The following REV3L variants were observed in gnomAD, a reference collection of about 807,000 sequenced individuals.
REV3L encodes DNA polymerase zeta catalytic subunit.
REV3L carries 69 observed loss-of-function variants against 299.4 expected under a neutral mutation model. The ratio of observed to expected loss-of-function variants is 0.23; its 90% CI spans 0.19 to 0.28. REV3L has a LOEUF of 0.28. Among genes scored for constraint, REV3L ranks in the 10% least tolerant of loss-of-function variants. REV3L has a pLI of 1.00. For missense variants in REV3L, 3,128 were observed against 3,693.8 expected, an observed-to-expected ratio of 0.85 and a Z score of 3.97; for synonymous variants, 1,238 against 1,271.4, an observed-to-expected ratio of 0.97 and a Z score of 0.56.
At position 111,367,522 on chromosome 6, in the gene REV3L, C is replaced by G; in HGVS notation, c.6266G>C (p.Ser2089Thr). Residue 2089 changes from serine (S) to threonine (T), a missense_variant, in exon 14 of 32, where the codon AGT (serine) becomes ACT (threonine). Physicochemically the swap from Ser to Thr is moderately conservative, Grantham distance 58 (BLOSUM62 1). Coordinates refer to ENST00000368802, the MANE Select transcript of REV3L (RefSeq NM_001372078.1). ...AACTGGTGGCAGCATCTGACTTTCA[C>G]TTGCAGTTTGACTACATCCCGTGGT... is the stretch of plus-strand genomic sequence containing the variant. ...APTTGCSQTA[S>T]ESQMLPPVAS... The G allele has an allele frequency of 6.2e-7, 1 of 1,611,876 alleles. No individual in the cohort carries two copies.
chr6:111,356,229 G>C (rs185169238), intron 18 of REV3L, among the ~76,000 whole-genome samples: 2 of 152,168 alleles, frequency 1.3e-5, no homozygotes, highest in African/African-American at 4.8e-5. Flanking sequence ...CTTCTATCTT[G>C]CTTTAGGCAT....
intron 31 of REV3L, among the ~76,000 whole-genome samples, chr6:111,304,768 C>G (rs1324325862): frequency 6.6e-6 from 1 of 151,966 alleles, no homozygotes; most frequent in African/African-American, 2.4e-5. Flanking sequence ...CTCCTCACCC[C>G]CCTTTTGGAA....
At chr6:111,305,751 G>A (rs759286235) in intron 31 of REV3L, among the ~76,000 whole-genome samples, 1 of 152,072 alleles carries the variant, frequency 6.6e-6, no homozygotes, top group Non-Finnish European at 1.5e-5. Flanking sequence ...CCATTTAACA[G>A]CCTGACCTTA....
Position 111,374,147 on chromosome 6 carries a change from T to A in REV3L, c.4208A>T (p.Tyr1403Phe). The change falls in exon 13 of 32, where the codon TAT (tyrosine) becomes TTT (phenylalanine). Residue 1403 changes from tyrosine to phenylalanine, a missense_variant. Physicochemically the swap from Tyr to Phe is conservative, Grantham distance 22. Coordinates refer to ENST00000368802, the MANE Select transcript of REV3L (RefSeq NM_001372078.1). ...CAGCTTTGATTCTAGGGAATTGCGA[T>A]ATTCACTTAACTTTCCGATTGATGA... ...YLSSIGKLSE[Y>F]RNSLESKLDQ... is the part of the protein sequence containing the mutation. 1 of 1,614,096 alleles carries A rather than the reference T, an allele frequency of 6.2e-7. No homozygotes were observed.
intron 24 of REV3L, 139 bp from the exon 25 acceptor site, chr6:111,329,877 G>T: frequency 3.1e-6 from 2 of 652,446 alleles, no homozygotes; most frequent in Non-Finnish European, 5.3e-6. Flanking sequence ...AGTATTAGTG[G>T]CCGTCAATAT....
intron 4 of REV3L, among the ~76,000 whole-genome samples, chr6:111,402,045 T>C (rs1057458225): frequency 2.6e-5 from 4 of 151,808 alleles, no homozygotes; most frequent in African/African-American, 9.7e-5. Flanking sequence ...GCCCAGGAGG[T>C]GGAGGTTGCA....
At position 111,375,458 on chromosome 6, in the gene REV3L, TTTC is replaced by T; in HGVS notation, c.2894_2896del (p.Arg965del). On this transcript the variant is annotated inframe_deletion, in exon 13 of 32. Transcript: ENST00000368802. ...GACAGGGGGCAGCTTTTTAGACATT[TTTC>T]TTCGTTTTCGGGATTTGAGAGTTCC... 1 of 1,602,462 alleles carries T rather than the reference TTTC, an allele frequency of 6.2e-7. No homozygotes were observed. Among genetic ancestry groups the T allele is most frequent in the Non-Finnish European group, 8.5e-7 (1 of 1,177,098 alleles).
In REV3L at chr6:111,356,999, T is replaced by C. The variant is rs367796912; in HGVS notation, c.7184+15A>G. The C allele has an allele frequency of 2.2e-6, 3 of 1,356,342 alleles. No homozygotes were observed. The highest frequency in any genetic ancestry group is 3.1e-6 in the Non-Finnish European group (3 of 975,832). 84.0% of individuals were successfully genotyped at this position (1,356,342 alleles called of 1,614,324 possible). ...TCTGAATAAAACTGGAAAAATCAGA[T>C]ATACAAAACAATACCTCTTTATTAT... On this transcript the variant is annotated intron_variant, in intron 18 of 31. Transcript: ENST00000368802.
chr6:111,307,583 C>A lies in REV3L; in HGVS notation c.9043-13G>T, dbSNP rs372417261. 17 of 1,613,568 alleles carry A rather than the reference C, an allele frequency of 1.1e-5. No individual in the cohort carries two copies. The African/African-American group carries it at 2.0e-4, about 19-fold the overall frequency. On this transcript the variant is annotated splice_polypyrimidine_tract_variant and intron_variant, in intron 30 of 31. Coordinates refer to ENST00000368802, the MANE Select transcript of REV3L (RefSeq NM_001372078.1). The stretch of plus-strand genomic sequence containing the variant: ...TAGCTTTATGGATCTATAAAAACAT[C>A]CATTCAGAAGTAAGCCTGAGTCAGC...
At chr6:111,406,310 T>C (rs1783617764) in intron 3 of REV3L, among the ~76,000 whole-genome samples, 2 of 152,170 alleles carry the variant, frequency 1.3e-5, no homozygotes, top group Admixed American at 1.3e-4. Flanking sequence ...ATTCAGGAAC[T>C]GAAACCACTG....
At chr6:111,318,919 AC>A (rs374106372) in intron 26 of REV3L, among the ~76,000 whole-genome samples, 13 of 152,258 alleles carry the variant, frequency 8.5e-5, no homozygotes, top group African/African-American at 3.1e-4. Context: ...AATAGGCAAA[AC>A]TAAGCTACAG....
In REV3L at chr6:111,373,453, T is replaced by G; in HGVS notation, c.4902A>C (p.Ser1634=). 6.2e-7 allele frequency: 1 copy of G among 1,613,704 alleles called. No homozygotes were observed. Among genetic ancestry groups the G allele is most frequent in the Non-Finnish European group, 8.5e-7 (1 of 1,179,860 alleles). The change falls in exon 13 of 32, where the codon TCA becomes TCC. Residue 1634 remains serine, a synonymous_variant. Transcript: ENST00000368802. ...FSDPGFESCY[S]LEDSLSPEHN... ...GTTCAGGAGATAAACTATCTTCAAG[T>G]GAGTAACAACTTTCAAAGCCTGGAT...
At chr6:111,363,734 T>C in intron 16 of REV3L, 119 bp downstream of exon 16, 1 of 889,792 alleles carries the variant, frequency 1.1e-6, no homozygotes. Flanking sequence ...AAGATGAAGA[T>C]TAATAGGATA....
rs1165081347 is a variant in REV3L, at chr6:111,397,637, T to G, written c.566-4665A>C. On this transcript the variant is annotated intron_variant, in intron 4 of 31. Transcript: ENST00000368802. ...TCTGTTAGGTCCATTTGGTCTAAAG[T>G]GCAGTTTATTTATTTATTGAGACAG... is the stretch of plus-strand genomic sequence containing the variant. Among the ~76,000 whole-genome samples the G allele has an allele frequency of 2.6e-5, 4 of 152,110 alleles. No individual in the cohort carries two copies. The East Asian group carries it at 5.8e-4, about 22-fold the overall frequency.
intron 1 of REV3L, among the ~76,000 whole-genome samples, chr6:111,435,603 C>A (rs1166244852): frequency 2.6e-5 from 4 of 152,150 alleles, no homozygotes; most frequent in African/African-American, 9.7e-5. Flanking sequence ...AACTGAATAA[C>A]CACATGCAGA....
Position 111,299,507 on chromosome 6 carries a change from C to T in REV3L, c.*509G>A, listed in dbSNP as rs373858325. 1 of 152,704 alleles carries T rather than the reference C, an allele frequency of 6.5e-6. No individual in the cohort carries two copies. The highest frequency in any genetic ancestry group is 2.1e-4 in the South Asian group (1 of 4,820). The allele number at this position is 152,704 out of a possible 1,614,324, so 9.5% of individuals were successfully genotyped here. On this transcript the variant is annotated 3_prime_UTR_variant, in exon 32 of 32. Transcript: ENST00000368802. ...TCAAGCAAAACCTAGAGGAAATATA[C>T]CAAACAACTTGAAAATCATTTGTAT...
chr6:111,337,953 C>G (rs1040498032), intron 21 of REV3L, among the ~76,000 whole-genome samples: 1 of 152,220 alleles, frequency 6.6e-6, no homozygotes, highest in Admixed American at 6.5e-5. Flanking sequence ...GGACAGAGAG[C>G]TGACCTGGAG....
chr6:111,351,830 C>T (rs775271106), intron 18 of REV3L, 39 bp from the exon 19 acceptor site: 6 of 1,314,922 alleles, frequency 4.6e-6, no homozygotes, highest in South Asian at 1.2e-5. Context: ...AAGTACCATA[C>T]ATTTGAACCT....
Position 111,307,375 on chromosome 6 carries a change from C to T in REV3L, c.9238G>A (p.Glu3080Lys). ...QEIRELERQQ[E>K]QLVKICKNCT... The stretch of plus-strand genomic sequence containing the variant: ...CAAAACTGTACCTTTACAAGTTGCT[C>T]CTGTTGACGTTCCAACTCCCGGATT... Residue 3080 changes from glutamate to lysine, a missense_variant, in exon 31 of 32, where the codon GAG (glutamate) becomes AAG (lysine). By Grantham distance (56) the Glu-to-Lys change is moderately conservative. This residue lies in a region of REV3L where 294 missense variants were observed against 377.0 expected (regional missense o/e 0.78). Coordinates refer to ENST00000368802, the MANE Select transcript of REV3L (RefSeq NM_001372078.1). 6.2e-7 allele frequency: 1 copy of T among 1,614,030 alleles called. No homozygotes were observed. Among genetic ancestry groups the T allele is most frequent in the Non-Finnish European group, 8.5e-7 (1 of 1,179,950 alleles).
Sources: allele counts gnomAD v4.1 joint callset (sites outside exome capture counted in the v4.1 genomes callset), GRCh38; gene constraint gnomAD v4.1.1; regional missense constraint gnomAD v4.1.1; transcripts MANE v1.5; gene names NCBI Gene and HGNC (gene_info 2026-07-23, HGNC 2026-07-21).